Variants in EXOC6B observed in about 807,000 individuals in gnomAD.
EXOC6B encodes exocyst complex component 6B.
Under a neutral mutation model 113.5 loss-of-function variants are expected in EXOC6B, and 54 were observed. That is an observed-to-expected ratio of 0.48 (90% CI 0.38 to 0.60). EXOC6B has a LOEUF of 0.60. Ranked by LOEUF, EXOC6B falls within the 20% of genes least tolerant of loss-of-function variation. The probability of loss-of-function intolerance (pLI) is 0.00; values close to 1 mark genes in which losing one functional copy is unlikely to be tolerated. For synonymous variants in EXOC6B, 357 were observed against 339.0 expected, an observed-to-expected ratio of 1.05 and a Z score of -0.58; for missense variants, 797 against 977.5, an observed-to-expected ratio of 0.82 and a Z score of 2.46.
intron 19 of EXOC6B, among the ~76,000 whole-genome samples, chr2:72,363,721 C>G (rs1572972050): frequency 6.6e-6 from 1 of 152,118 alleles, no homozygotes; most frequent in East Asian, 1.9e-4. Context: ...TGATCCAAAC[C>G]CTCTCATCTT....
At chr2:72,547,870 C>A (rs763014507) in intron 8 of EXOC6B, among the ~76,000 whole-genome samples, 5 of 152,136 alleles carry the variant, frequency 3.3e-5, no homozygotes, top group Non-Finnish European at 5.9e-5. Context: ...ATTTGCTTAA[C>A]AGTAAAATTT....
chr2:72,224,235 C>T, intron 20 of EXOC6B, among the ~76,000 whole-genome samples: 1 of 152,254 alleles, frequency 6.6e-6, no homozygotes, highest in Middle Eastern at 3.4e-3. Flanking sequence ...AATATTAACT[C>T]CTCTGCAAGG....
chr2:72,565,909 T>C (rs770968283), intron 7 of EXOC6B, among the ~76,000 whole-genome samples: 2 of 152,078 alleles, frequency 1.3e-5, no homozygotes, highest in Non-Finnish European at 2.9e-5. Context: ...CTAACAAAAT[T>C]ATACGTGCAT....
At chr2:72,447,585 C>A (rs1696663204) in intron 18 of EXOC6B, among the ~76,000 whole-genome samples, 1 of 152,074 alleles carries the variant, frequency 6.6e-6, no homozygotes, top group African/African-American at 2.4e-5. Flanking sequence ...TGTGGCTAGA[C>A]TAAAATACAG....
chr2:72,539,764 G>GTA, intron 8 of EXOC6B, among the ~76,000 whole-genome samples: 1 of 151,634 alleles, frequency 6.6e-6, no homozygotes, highest in Non-Finnish European at 1.5e-5. Flanking sequence ...GCGCGCGCGC[G>GTA]TGTGTGTAGT....
chr2:72,516,639 G>C (rs1281538092), intron 8 of EXOC6B, among the ~76,000 whole-genome samples: 1 of 152,138 alleles, frequency 6.6e-6, no homozygotes, highest in Non-Finnish European at 1.5e-5. Flanking sequence ...TGGAACCAGA[G>C]ACTATTATTA....
chr2:72,209,798 G>A (rs139884475), intron 20 of EXOC6B, among the ~76,000 whole-genome samples: 47 of 152,236 alleles, frequency 3.1e-4, no homozygotes, highest in South Asian at 1.0e-3. Context: ...CTCATCCTGC[G>A]TGTGTCAAAA....
intron 7 of EXOC6B, among the ~76,000 whole-genome samples, chr2:72,567,378 T>C (rs940901199): frequency 6.6e-6 from 1 of 152,028 alleles, no homozygotes; most frequent in African/African-American, 2.4e-5. Context: ...GGGTATTATA[T>C]AATTATCCAA....
chr2:72,751,167 C>T (rs956790446), intron 1 of EXOC6B, among the ~76,000 whole-genome samples: 1 of 152,086 alleles, frequency 6.6e-6, no homozygotes, highest in African/African-American at 2.4e-5. Context: ...GTGACATAGC[C>T]TCAGGAGGTC....
At chr2:72,520,513 C>T (rs1017627742) in intron 8 of EXOC6B, among the ~76,000 whole-genome samples, 10 of 152,150 alleles carry the variant, frequency 6.6e-5, no homozygotes, top group Non-Finnish European at 1.2e-4. Context: ...CTATTCAATA[C>T]ATTTTCTCAG....
intron 19 of EXOC6B, among the ~76,000 whole-genome samples, chr2:72,341,995 A>G (rs1013276620): frequency 1.3e-5 from 2 of 152,234 alleles, no homozygotes; most frequent in South Asian, 4.1e-4. Flanking sequence ...TAAATAACCA[A>G]TGGGTCAAAT....
intron 19 of EXOC6B, among the ~76,000 whole-genome samples, chr2:72,351,731 T>G (rs1689665413): frequency 6.6e-6 from 1 of 152,212 alleles, no homozygotes; most frequent in Admixed American, 6.5e-5. Flanking sequence ...TAGTCTTGCC[T>G]CTCTCCTATG....
At chr2:72,590,081 C>T (rs1705836632) in intron 6 of EXOC6B, among the ~76,000 whole-genome samples, 2 of 151,922 alleles carry the variant, frequency 1.3e-5, no homozygotes, top group South Asian at 4.1e-4. Context: ...TGTAAATTAC[C>T]TTGACAATTG....
At chr2:72,229,759 A>G (rs544591165) in intron 20 of EXOC6B, among the ~76,000 whole-genome samples, 7 of 152,382 alleles carry the variant, frequency 4.6e-5, no homozygotes, top group African/African-American at 1.4e-4. Context: ...GGTAAATGAT[A>G]GCATATTAAC....
intron 20 of EXOC6B, among the ~76,000 whole-genome samples, chr2:72,233,603 C>T (rs1681768838): frequency 6.6e-6 from 1 of 152,182 alleles, no homozygotes; most frequent in African/African-American, 2.4e-5. Flanking sequence ...GTGGGGGCAA[C>T]TCTTGAGTCC....
At chr2:72,648,527 A>G (rs2104389224) in intron 6 of EXOC6B, among the ~76,000 whole-genome samples, 1 of 152,314 alleles carries the variant, frequency 6.6e-6, no homozygotes, top group African/African-American at 2.4e-5. Flanking sequence ...CTTGGAACCA[A>G]CCCAAATGTC....
intron 1 of EXOC6B, among the ~76,000 whole-genome samples, chr2:72,768,483 T>C (rs1404180341): frequency 1.3e-5 from 2 of 151,964 alleles, no homozygotes; most frequent in East Asian, 3.9e-4. Flanking sequence ...TCTCCCCGGC[T>C]AATTTTGTAT....
chr2:72,470,502 T>C (rs567560166), intron 17 of EXOC6B, among the ~76,000 whole-genome samples: 1 of 152,296 alleles, frequency 6.6e-6, no homozygotes, highest in East Asian at 1.9e-4. Context: ...AGTTTTAGGG[T>C]ACATTGCACA....
chr2:72,804,461 G>A (rs1217594524), intron 1 of EXOC6B, among the ~76,000 whole-genome samples: 1 of 152,126 alleles, frequency 6.6e-6, no homozygotes, highest in Admixed American at 6.6e-5. Flanking sequence ...AATTTTATCT[G>A]ATGAACGGAA....
Sources: allele counts gnomAD v4.1 joint callset (sites outside exome capture counted in the v4.1 genomes callset), GRCh38; gene constraint gnomAD v4.1.1; transcripts MANE v1.5; gene names NCBI Gene and HGNC (gene_info 2026-07-23, HGNC 2026-07-21).